The following DNAJC16 variants were observed in gnomAD, a reference collection of about 807,000 sequenced individuals.
The protein encoded by DNAJC16 is dnaJ homolog subfamily C member 16.
DNAJC16 carries 76 observed loss-of-function variants against 92.7 expected under a neutral mutation model. The observed-to-expected ratio is 0.82, with a 90% CI of 0.68 to 0.99. The LOEUF is 0.99. Ranked by LOEUF, DNAJC16 falls within the 50% of genes least tolerant of loss-of-function variation. The pLI, the probability that DNAJC16 is intolerant of heterozygous loss-of-function variation, is 0.00. For missense variants in DNAJC16, 869 were observed against 942.4 expected (o/e 0.92, Z 1.02); for synonymous variants, 328 against 358.7 (o/e 0.91, Z 0.97).
In DNAJC16 at chr1:15,557,512, A is replaced by C. The variant is rs550759237; in HGVS notation, c.1024-2014A>C. Among the ~76,000 whole-genome samples the C allele has an allele frequency of 2.0e-5, 3 of 151,866 alleles. No homozygotes were observed. The South Asian group carries it at 6.2e-4, about 32-fold the overall frequency. The stretch of plus-strand genomic sequence containing the variant: ...TAATATATTCATTTCTTGTTTCATT[A>C]ATTTCTATTTTTATCTGTATTATTT... On this transcript the variant is annotated intron_variant, in intron 7 of 14. Coordinates refer to ENST00000375847, the MANE Select transcript of DNAJC16 (RefSeq NM_015291.4).
At chr1:15,532,111 C>T (rs1710675379) in intron 2 of DNAJC16, among the ~76,000 whole-genome samples, 1 of 152,196 alleles carries the variant, frequency 6.6e-6, no homozygotes, top group East Asian at 1.9e-4. Context: ...TTGTTATCCA[C>T]ATTAGCAAAA....
chr1:15,565,923 GA>G lies in DNAJC16; in HGVS notation c.1606del (p.Met536Ter). The G allele has an allele frequency of 6.2e-7, 1 of 1,613,622 alleles. No homozygotes were observed. Among genetic ancestry groups the G allele is most frequent in the Non-Finnish European group, 8.5e-7 (1 of 1,179,884 alleles). On this transcript the variant is annotated frameshift_variant, in exon 12 of 15. Transcript: ENST00000375847. LOFTEE classifies it high-confidence loss of function. Reference protein sequence around the residue: ...WDSIFHNNWREMMPLLSLIFS... With the variant: ...WDSIFHNNWRXMMPLLSLIFS... ...AGTTTGTTAATTTGGTTTTAGGAGG[GA>G]AATGATGCCCCTGCTGTCCCTGATC...
In DNAJC16 at chr1:15,567,151, T is replaced by TA. The variant is rs1407014819; in HGVS notation, c.1832dup (p.Tyr611Ter). Residue 611 changes from tyrosine to a stop codon, truncating the protein, a stop_gained and frameshift_variant, in exon 14 of 15, where the codon TAC (tyrosine) becomes TAAC (stop). Transcript: ENST00000375847. LOFTEE classifies it high-confidence loss of function. Reference protein sequence around the residue: ...VEVTELTDVTYTSNLVRLRPG... With the variant: ...VEVTELTDVT ...GGTAACTGAACTCACAGATGTAACA[T>TA]ACACCAGTAACTTGGTACGTCTGAG... is the stretch of plus-strand genomic sequence containing the variant. The TA allele has an allele frequency of 6.2e-7, 1 of 1,613,944 alleles. No individual in the cohort carries two copies. The highest frequency in any genetic ancestry group is 1.3e-5 in the African/African-American group (1 of 74,926).
intron 13 of DNAJC16, 42 bp downstream of exon 13, chr1:15,566,222 C>T (rs745931359): frequency 2.0e-6 from 3 of 1,478,908 alleles, no homozygotes; most frequent in Admixed American, 1.8e-5. Flanking sequence ...CCGGCACCTG[C>T]CCCCCAGATC....
intron 7 of DNAJC16, among the ~76,000 whole-genome samples, chr1:15,549,881 C>T (rs1471585927): frequency 6.7e-6 from 1 of 149,954 alleles, no homozygotes; most frequent in Admixed American, 6.6e-5. Context: ...CACTTTATTA[C>T]AGTATATTGT....
chr1:15,536,740 C>T lies in DNAJC16; in HGVS notation c.500C>T (p.Thr167Ile), dbSNP rs778273278. Reference sequence around the variant, plus strand: ...AAGAAACCCTACCTCATCAAGATCACCTCCGATTGGTGCTTTAGCTGCATT... The same window carrying T: ...AAGAAACCCTACCTCATCAAGATCATCTCCGATTGGTGCTTTAGCTGCATT... The part of the protein sequence containing the change: ...SFKKPYLIKI[T>I]SDWCFSCIHI... Residue 167 changes from threonine (T) to isoleucine (I), a missense_variant, in exon 4 of 15, where the codon ACC (threonine) becomes ATC (isoleucine). Coordinates refer to ENST00000375847, the MANE Select transcript of DNAJC16 (RefSeq NM_015291.4). The T allele has an allele frequency of 5.0e-6, 8 of 1,614,046 alleles. No homozygotes were observed. The Admixed American group carries it at 6.7e-5, about 13-fold the overall frequency.
Position 15,570,925 on chromosome 1 carries a change from C to A in DNAJC16, c.*2748C>A, listed in dbSNP as rs1194546518. ...ACATTGATGTTTTTAGAGATGGGTT[C>A]TTCTGGTTGATACAGACTATGCATT... is the stretch of plus-strand genomic sequence containing the variant. On this transcript the variant is annotated 3_prime_UTR_variant, in exon 15 of 15. Transcript: ENST00000375847. 1 of 151,700 alleles carries A rather than the reference C, an allele frequency of 6.6e-6. No homozygotes were observed. Among genetic ancestry groups the A allele is most frequent in the Non-Finnish European group, 1.5e-5 (1 of 68,012 alleles). 9.4% of individuals were successfully genotyped at this position (151,700 alleles called of 1,614,324 possible). A position where few individuals can be genotyped will look rare whatever the true frequency, so the allele number is the denominator to read the frequency against.
At position 15,548,429 on chromosome 1, in the gene DNAJC16, G is replaced by C. The variant is rs1414254970; in HGVS notation, c.1023+1G>C. The C allele has an allele frequency of 6.2e-7, 1 of 1,604,924 alleles. No individual in the cohort carries two copies. The highest frequency in any genetic ancestry group is 1.1e-5 in the South Asian group (1 of 89,220). Reference sequence around the variant, plus strand: ...AAACAGGCCTGCCGATGTTATCCAGGTACGTGAGGGTCACCTTGGTTAAGA... The same window carrying C: ...AAACAGGCCTGCCGATGTTATCCAGCTACGTGAGGGTCACCTTGGTTAAGA... On this transcript the variant is annotated splice_donor_variant, in intron 7 of 14. Coordinates refer to ENST00000375847, the MANE Select transcript of DNAJC16 (RefSeq NM_015291.4). LOFTEE classifies it high-confidence loss of function.
intron 13 of DNAJC16, 198 bp from the exon 14 acceptor site, chr1:15,566,901 C>T: frequency 4.3e-6 from 2 of 466,282 alleles, no homozygotes; most frequent in Non-Finnish European, 7.8e-6. Context: ...AAAAGAAAAG[C>T]AGCACAGAAA....
chr1:15,546,718 A>C, intron 5 of DNAJC16, 49 bp from the exon 6 acceptor site: 1 of 1,434,060 alleles, frequency 7.0e-7, no homozygotes. Flanking sequence ...AGTATAATAC[A>C]ATTGTTAAGA....
Position 15,568,876 on chromosome 1 carries a change from G to C in DNAJC16, c.*699G>C, listed in dbSNP as rs928077956. 1 of 395,698 alleles carries C rather than the reference G, an allele frequency of 2.5e-6. No individual in the cohort carries two copies. Among genetic ancestry groups the C allele is most frequent in the Non-Finnish European group, 4.5e-6 (1 of 224,584 alleles). 24.5% of individuals were successfully genotyped at this position (395,698 alleles called of 1,614,324 possible). ...CTGAAGCGATGCAGCCTTGAGACACGCTGTGAGCATCCCATCCGCCGCCCC... is the reference window on the plus strand; with the variant it reads ...CTGAAGCGATGCAGCCTTGAGACACCCTGTGAGCATCCCATCCGCCGCCCC... On this transcript the variant is annotated 3_prime_UTR_variant, in exon 15 of 15. Coordinates refer to ENST00000375847, the MANE Select transcript of DNAJC16 (RefSeq NM_015291.4).
intron 13 of DNAJC16, 75 bp downstream of exon 13, chr1:15,566,255 T>C: frequency 1.6e-6 from 2 of 1,228,420 alleles, no homozygotes. Context: ...AACGCAGCAT[T>C]GGAACATAGA....
intron 9 of DNAJC16, 135 bp from the exon 10 acceptor site, chr1:15,563,794 G>C (rs1048771507): frequency 1.2e-6 from 1 of 834,296 alleles, no homozygotes; most frequent in Non-Finnish European, 1.8e-6. Context: ...AGCTTGCAGT[G>C]AGCCAAGATC....
chr1:15,528,755 G>A (rs1394092254), intron 1 of DNAJC16, among the ~76,000 whole-genome samples: 2 of 151,918 alleles, frequency 1.3e-5, no homozygotes, highest in Admixed American at 6.6e-5. Flanking sequence ...AGAGGTAGTC[G>A]TCCTGATTAT....
intron 5 of DNAJC16, among the ~76,000 whole-genome samples, chr1:15,546,096 TA>T (rs923909198): frequency 3.3e-5 from 5 of 151,990 alleles, no homozygotes; most frequent in African/African-American, 7.3e-5. Context: ...CTTGAGTCCA[TA>T]AGTTCAAGAC....
At chr1:15,539,556 TTTTTC>T (rs1287737691) in intron 4 of DNAJC16, among the ~76,000 whole-genome samples, 1 of 151,842 alleles carries the variant, frequency 6.6e-6, no homozygotes, top group Admixed American at 6.6e-5. Flanking sequence ...TTTTTTTTTC[TTTTTC>T]TTTTAAGAGA....
chr1:15,568,165 T>A lies in DNAJC16; in HGVS notation c.2337T>A (p.Pro779=). The A allele has an allele frequency of 6.2e-7, 1 of 1,603,714 alleles. No homozygotes were observed. The highest frequency in any genetic ancestry group is 8.5e-7 in the Non-Finnish European group (1 of 1,174,474). Residue 779 remains proline (P), a synonymous_variant, in exon 15 of 15, where the codon CCT becomes CCA. Transcript: ENST00000375847. Reference sequence around the variant, plus strand: ...AGAGGTTTTATATCCCATCATGGCCTGAACTAGACTGAGAGGATTTTCCAA... The same window carrying A: ...AGAGGTTTTATATCCCATCATGGCCAGAACTAGACTGAGAGGATTTTCCAA... ...SLQRFYIPSW[P]ELD
At chr1:15,533,664 A>C (rs1027879182) in intron 2 of DNAJC16, among the ~76,000 whole-genome samples, 4 of 152,200 alleles carry the variant, frequency 2.6e-5, no homozygotes, top group African/African-American at 4.8e-5. Flanking sequence ...AGTGGCCTTG[A>C]AATCTTTATC....
At chr1:15,541,457 C>G (rs1341390000) in intron 4 of DNAJC16, among the ~76,000 whole-genome samples, 2 of 152,130 alleles carry the variant, frequency 1.3e-5, no homozygotes, top group Non-Finnish European at 2.9e-5. Flanking sequence ...AGTCACTTTA[C>G]CTCTCTGAAC....
Sources: gnomAD v4.1 joint callset for allele counts (sites outside exome capture counted in the v4.1 genomes callset) on GRCh38, gnomAD v4.1.1 for gene constraint, MANE v1.5 for transcripts, NCBI Gene and HGNC (gene_info 2026-07-23, HGNC 2026-07-21) for gene names.